The following KLF9 variants were observed in gnomAD, a reference collection of about 807,000 sequenced individuals.
KLF9 encodes the protein Krueppel-like factor 9.
In KLF9, 2 loss-of-function variants were observed where a neutral mutation model predicts 17.3. That is an observed-to-expected ratio of 0.12 (90% CI 0.05 to 0.36). The LOEUF is 0.36. Among genes scored for constraint, KLF9 ranks in the 10% least tolerant of loss-of-function variants. KLF9 has a pLI of 1.00. For missense variants in KLF9, 226 were observed against 333.2 expected (o/e 0.68, Z 2.51); for synonymous variants, 138 against 139.2 (o/e 0.99, Z 0.06).
At position 70,413,154 on chromosome 9, in the gene KLF9, C is replaced by T; in HGVS notation, c.210G>A (p.Leu70=). The T allele has an allele frequency of 6.2e-7, 1 of 1,614,188 alleles. No homozygotes were observed. Among genetic ancestry groups the T allele is most frequent in the Non-Finnish European group, 8.5e-7 (1 of 1,180,046 alleles). Residue 70 remains leucine, a synonymous_variant, in exon 1 of 2, where the codon CTG becomes CTA. Transcript: ENST00000377126. The surrounding 1 kb of genome is among the most constrained non-coding windows in gnomAD (Gnocchi z 5.6). Reference sequence around the variant, plus strand: ...GGGTCTGGATGGGTCGGTACTTGTTCAGGTCCAACAAGCTCTTGGCGATGG... The same window carrying T: ...GGGTCTGGATGGGTCGGTACTTGTTTAGGTCCAACAAGCTCTTGGCGATGG... ...LVTIAKSLLD[L]NKYRPIQTPS...
At chr9:70,388,840 A>G (rs1338402381) in intron 1 of KLF9, among the ~76,000 whole-genome samples, 2 of 152,164 alleles carry the variant, frequency 1.3e-5, no homozygotes, top group African/African-American at 4.8e-5. Context: ...TTGTCTTAAC[A>G]CTAGAAGTAA....
intron 1 of KLF9, among the ~76,000 whole-genome samples, chr9:70,394,034 A>T (rs1313164052): frequency 3.3e-5 from 5 of 151,758 alleles, no homozygotes; most frequent in Admixed American, 3.3e-4. Flanking sequence ...CAAAAAAAAA[A>T]AAAAAAAAAA....
intron 1 of KLF9, among the ~76,000 whole-genome samples, chr9:70,397,441 C>T (rs1219380919): frequency 1.3e-5 from 2 of 151,916 alleles, no homozygotes; most frequent in Non-Finnish European, 1.5e-5. Flanking sequence ...CACCACTGCA[C>T]TCCAGCCTGG....
intron 1 of KLF9, among the ~76,000 whole-genome samples, chr9:70,397,910 T>C (rs1587740236): frequency 1.3e-5 from 2 of 152,172 alleles, no homozygotes; most frequent in East Asian, 1.9e-4. Context: ...ATTACCCTCA[T>C]GTGCAGAACC....
intron 1 of KLF9, among the ~76,000 whole-genome samples, chr9:70,394,684 A>ATTTT (rs1275809354): frequency 2.0e-5 from 3 of 152,224 alleles, no homozygotes; most frequent in African/African-American, 7.2e-5. Context: ...ATTCAAGATA[A>ATTTT]CTGAAAAATC....
At chr9:70,397,739 T>C (rs1471720482) in intron 1 of KLF9, among the ~76,000 whole-genome samples, 1 of 152,120 alleles carries the variant, frequency 6.6e-6, no homozygotes, top group Non-Finnish European at 1.5e-5. Context: ...TAAGAAAGCA[T>C]TCATGGACCA....
Position 70,413,595 on chromosome 9 carries a change from G to C in KLF9, c.-232C>G. The C allele has an allele frequency of 4.2e-6, 1 of 239,102 alleles. No individual in the cohort carries two copies. The highest frequency in any genetic ancestry group is 7.6e-6 in the Non-Finnish European group (1 of 131,946). The allele number at this position is 239,102 out of a possible 1,614,324, so 14.8% of individuals were successfully genotyped here. A position where few individuals can be genotyped will look rare whatever the true frequency, so the allele number is the denominator to read the frequency against. On this transcript the variant is annotated 5_prime_UTR_variant, in exon 1 of 2. Coordinates refer to ENST00000377126, the MANE Select transcript of KLF9 (RefSeq NM_001206.4). The surrounding 1 kb of genome is among the most constrained non-coding windows in gnomAD (Gnocchi z 5.6). ...CCGCACGCAGCATCCACGGCCCCGG[G>C]CTCCGCCGCGCCGCCGCCTCTAGCC...
chr9:70,393,756 ACTT>A (rs2118910161), intron 1 of KLF9, among the ~76,000 whole-genome samples: 1 of 152,296 alleles, frequency 6.6e-6, no homozygotes, highest in East Asian at 1.9e-4. Flanking sequence ...GAAAATCAAG[ACTT>A]CTTCTAGAAG....
At chr9:70,391,354 C>T (rs958950744) in intron 1 of KLF9, among the ~76,000 whole-genome samples, 3 of 152,152 alleles carry the variant, frequency 2.0e-5, no homozygotes, top group African/African-American at 2.4e-5. Flanking sequence ...AATTCACTTT[C>T]GACCTAGCTG....
intron 1 of KLF9, among the ~76,000 whole-genome samples, chr9:70,404,915 A>C (rs1400553919): frequency 6.6e-6 from 1 of 152,136 alleles, no homozygotes; most frequent in Non-Finnish European, 1.5e-5. Flanking sequence ...CCCATGTCAG[A>C]AGGACCCAAA....
intron 1 of KLF9, among the ~76,000 whole-genome samples, chr9:70,407,226 C>T (rs193116704): frequency 5.9e-5 from 9 of 152,280 alleles, no homozygotes; most frequent in Admixed American, 4.6e-4. Flanking sequence ...AATGACTAGT[C>T]CTTGGGATAA....
intron 1 of KLF9, among the ~76,000 whole-genome samples, chr9:70,407,464 G>T (rs1205149405): frequency 6.6e-6 from 1 of 152,170 alleles, no homozygotes; most frequent in East Asian, 1.9e-4. Flanking sequence ...CAGAAGATGT[G>T]AGAGGAAAAT....
In KLF9 at chr9:70,414,255, C is replaced by G. The variant is rs1372521088; in HGVS notation, c.-892G>C. 6.6e-6 allele frequency: 1 copy of G among 152,248 alleles called. No homozygotes were observed. Among genetic ancestry groups the G allele is most frequent in the Non-Finnish European group, 1.5e-5 (1 of 68,066 alleles). The allele number at this position is 152,248 out of a possible 1,614,324, so 9.4% of individuals were successfully genotyped here. ...TGGCCGGTCCGGGCCTCCTGGCTCA[C>G]GTTCCAGCTTGCGGAGCTTTGGGAC... On this transcript the variant is annotated 5_prime_UTR_variant, in exon 1 of 2. Transcript: ENST00000377126.
chr9:70,388,564 T>C (rs957093279), intron 1 of KLF9, among the ~76,000 whole-genome samples: 2 of 152,090 alleles, frequency 1.3e-5, no homozygotes, highest in Non-Finnish European at 2.9e-5. Flanking sequence ...CTGGAAAGTA[T>C]TTTTTCTGTT....
intron 1 of KLF9, among the ~76,000 whole-genome samples, chr9:70,394,295 T>A (rs891839092): frequency 1.7e-4 from 2 of 11,500 alleles, no homozygotes; most frequent in Non-Finnish European, 3.7e-4. Flanking sequence ...ATTTAACAGC[T>A]CATACACACA....
At chr9:70,406,899 G>GA (rs59573357) in intron 1 of KLF9, among the ~76,000 whole-genome samples, 7 of 142,826 alleles carry the variant, frequency 4.9e-5, no homozygotes, top group African/African-American at 1.0e-4. Flanking sequence ...GAGAGAGAGA[G>GA]AAAAAAAAAA....
chr9:70,400,566 A>T (rs1181650052), intron 1 of KLF9, among the ~76,000 whole-genome samples: 1 of 152,226 alleles, frequency 6.6e-6, no homozygotes, highest in African/African-American at 2.4e-5. Flanking sequence ...GCCAAGAAAA[A>T]GATTGTCCCC....
intron 1 of KLF9, among the ~76,000 whole-genome samples, chr9:70,388,687 C>A (rs950418799): frequency 2.6e-5 from 4 of 152,148 alleles, no homozygotes; most frequent in African/African-American, 9.7e-5. Flanking sequence ...TGGGTCCAAC[C>A]AGCCTCCTAC....
At position 70,385,140 on chromosome 9, in the gene KLF9, A is replaced by G. The variant is rs1012368071; in HGVS notation, c.*2636T>C. 6.6e-6 allele frequency: 1 copy of G among 152,670 alleles called. No individual in the cohort carries two copies. The highest frequency in any genetic ancestry group is 2.4e-5 in the African/African-American group (1 of 41,466). 9.5% of individuals were successfully genotyped at this position (152,670 alleles called of 1,614,324 possible). Reference sequence around the variant, plus strand: ...TTGGTTAAAAAAGTAAACAAAAATTACTATCCTGCATTTGGATTTTCATAA... The same window carrying G: ...TTGGTTAAAAAAGTAAACAAAAATTGCTATCCTGCATTTGGATTTTCATAA... On this transcript the variant is annotated 3_prime_UTR_variant, in exon 2 of 2. Transcript: ENST00000377126.
Sources: gnomAD v4.1 joint callset for allele counts (sites outside exome capture counted in the v4.1 genomes callset) on GRCh38, gnomAD v4.1.1 for gene constraint, Gnocchi (gnomAD v3.1) non-coding constraint, MANE v1.5 for transcripts, NCBI Gene and HGNC (gene_info 2026-07-23, HGNC 2026-07-21) for gene names.